Variants in POLR3B observed in about 807,000 individuals in gnomAD.
POLR3B encodes the protein DNA-directed RNA polymerase III subunit RPC2.
In POLR3B, 96 loss-of-function variants were observed where a neutral mutation model predicts 147.4. The observed-to-expected ratio is 0.65, with a 90% CI of 0.55 to 0.77. The LOEUF is 0.77. Ranked by LOEUF, POLR3B falls within the 30% of genes least tolerant of loss-of-function variation. The probability of loss-of-function intolerance (pLI) is 0.00; values close to 1 mark genes in which losing one functional copy is unlikely to be tolerated. For missense variants in POLR3B, 1,036 were observed against 1,413.5 expected (o/e 0.73, Z 4.28); for synonymous variants, 461 against 485.9 (o/e 0.95, Z 0.67).
chr12:106,465,878 T>C (rs993294183), intron 23 of POLR3B, among the ~76,000 whole-genome samples: 1 of 152,210 alleles, frequency 6.6e-6, no homozygotes, highest in Admixed American at 6.5e-5. Flanking sequence ...GACATTTGGG[T>C]TGGTTCCAAG....
intron 23 of POLR3B, among the ~76,000 whole-genome samples, chr12:106,482,946 C>G (rs1210346678): frequency 1.3e-5 from 2 of 152,136 alleles, no homozygotes; most frequent in Non-Finnish European, 2.9e-5. Context: ...TGAGATGCCT[C>G]ATTTTTATCT....
chr12:106,413,007 G>C (rs1369669995), intron 12 of POLR3B, among the ~76,000 whole-genome samples: 3 of 152,030 alleles, frequency 2.0e-5, no homozygotes, highest in African/African-American at 7.2e-5. Flanking sequence ...TGAGTTGTAG[G>C]AGTTCTTGGT....
chr12:106,468,898 T>C (rs2038047072), intron 23 of POLR3B, among the ~76,000 whole-genome samples: 1 of 152,210 alleles, frequency 6.6e-6, no homozygotes, highest in Non-Finnish European at 1.5e-5. Context: ...GATGTGGTGC[T>C]GAGAAAAATG....
At chr12:106,456,599 C>T (rs2037866104) in intron 20 of POLR3B, among the ~76,000 whole-genome samples, 1 of 152,018 alleles carries the variant, frequency 6.6e-6, no homozygotes, top group Non-Finnish European at 1.5e-5. Flanking sequence ...GAAAACTTTC[C>T]AGGGAAGTTT....
At chr12:106,465,681 C>G (rs978851717) in intron 23 of POLR3B, among the ~76,000 whole-genome samples, 1 of 152,170 alleles carries the variant, frequency 6.6e-6, no homozygotes, top group South Asian at 2.1e-4. Flanking sequence ...TCTCATTGTT[C>G]AACTCCGACT....
chr12:106,423,596 G>T (rs1356921788), intron 12 of POLR3B, among the ~76,000 whole-genome samples: 3 of 152,038 alleles, frequency 2.0e-5, no homozygotes, highest in South Asian at 4.2e-4. Flanking sequence ...GGAGAAAATG[G>T]GTGTCTCAGC....
chr12:106,505,975 ACT>A (rs1227140556), intron 27 of POLR3B, among the ~76,000 whole-genome samples: 3 of 152,106 alleles, frequency 2.0e-5, no homozygotes, highest in Non-Finnish European at 2.9e-5. Context: ...TTTGGTGAAG[ACT>A]CTCGTCTGTA....
intron 11 of POLR3B, among the ~76,000 whole-genome samples, chr12:106,407,146 C>G (rs928832774): frequency 6.6e-6 from 1 of 152,162 alleles, no homozygotes; most frequent in Admixed American, 6.5e-5. Flanking sequence ...AGCTGGGTCT[C>G]AACTGAATTT....
At chr12:106,463,009 A>G (rs544020188) in intron 22 of POLR3B, among the ~76,000 whole-genome samples, 1 of 152,090 alleles carries the variant, frequency 6.6e-6, no homozygotes, top group Admixed American at 6.6e-5. Flanking sequence ...CTTAATTGTT[A>G]TGTGTCCGAA....
intron 18 of POLR3B, among the ~76,000 whole-genome samples, chr12:106,440,725 C>CT (rs139194243): frequency 0.018 from 2,536 of 143,242 alleles, 59 homozygotes; most frequent in African/African-American, 0.055. Flanking sequence ...CTCTTTACTA[C>CT]TTTTTTTTTT....
intron 22 of POLR3B, 144 bp from the exon 23 acceptor site, chr12:106,463,333 TA>T (rs1205465722): frequency 4.4e-6 from 3 of 675,252 alleles, no homozygotes; most frequent in Admixed American, 2.8e-5. Context: ...AATTTAATGT[TA>T]AAAAAATTGA....
At chr12:106,409,593 T>G (rs2037196827) in intron 11 of POLR3B, among the ~76,000 whole-genome samples, 1 of 151,192 alleles carries the variant, frequency 6.6e-6, no homozygotes, top group South Asian at 2.1e-4. Context: ...TTGAAACACA[T>G]ACAGAATTCT....
At chr12:106,476,948 G>C (rs1253203126) in intron 23 of POLR3B, among the ~76,000 whole-genome samples, 11 of 151,550 alleles carry the variant, frequency 7.3e-5, no homozygotes, top group African/African-American at 1.2e-4. Context: ...GGCACTCTGC[G>C]TTGTAGAGTT....
At chr12:106,439,251 C>T (rs1184576049) in intron 18 of POLR3B, among the ~76,000 whole-genome samples, 1 of 152,118 alleles carries the variant, frequency 6.6e-6, no homozygotes, top group East Asian at 1.9e-4. Flanking sequence ...GTGGCACACA[C>T]CTGTAGTCCT....
intron 11 of POLR3B, among the ~76,000 whole-genome samples, chr12:106,409,760 G>C (rs1461857631): frequency 6.6e-6 from 1 of 151,332 alleles, no homozygotes; most frequent in Non-Finnish European, 1.5e-5. Flanking sequence ...TTTACTAAAT[G>C]ATTAAGGTAA....
intron 23 of POLR3B, among the ~76,000 whole-genome samples, chr12:106,486,335 CA>C (rs2038339550): frequency 6.9e-6 from 1 of 144,146 alleles, no homozygotes; most frequent in Non-Finnish European, 1.5e-5. Flanking sequence ...GATTGAGGTT[CA>C]GGGGAGGTGA....
At position 106,444,490 on chromosome 12, in the gene POLR3B, C is replaced by T. The variant is rs2037696257; in HGVS notation, c.1983C>T (p.Pro661=). 6.2e-7 allele frequency: 1 copy of T among 1,613,732 alleles called. No individual in the cohort carries two copies. The highest frequency in any genetic ancestry group is 8.5e-7 in the Non-Finnish European group (1 of 1,179,844). The change falls in exon 19 of 28, where the codon CCC becomes CCT. Residue 661 remains proline, a synonymous_variant. Transcript: ENST00000228347. ...NKDTTHLEIE[P]FTLLGVCAGL... Reference sequence around the variant, plus strand: ...ACACCACCCACTTGGAGATTGAACCCTTCACTCTTCTCGGCGTGTGTGCTG... The same window carrying T: ...ACACCACCCACTTGGAGATTGAACCTTTCACTCTTCTCGGCGTGTGTGCTG...
intron 24 of POLR3B, 81 bp from the exon 25 acceptor site, chr12:106,496,671 G>A: frequency 1.7e-6 from 2 of 1,201,652 alleles, no homozygotes; most frequent in South Asian, 2.5e-5. Flanking sequence ...GTGGTCGTGG[G>A]GAAATGAGCT....
intron 27 of POLR3B, among the ~76,000 whole-genome samples, chr12:106,505,986 T>C (rs974268212): frequency 1.3e-5 from 2 of 152,208 alleles, no homozygotes; most frequent in African/African-American, 4.8e-5. Context: ...CTCTCGTCTG[T>C]AAGGAGATCA....
Sources: gnomAD v4.1 joint callset for allele counts (sites outside exome capture counted in the v4.1 genomes callset) on GRCh38, gnomAD v4.1.1 for gene constraint, MANE v1.5 for transcripts, NCBI Gene and HGNC (gene_info 2026-07-23, HGNC 2026-07-21) for gene names.